CFAP299: variants seen among roughly 807,000 people sequenced by gnomAD.
CFAP299 encodes cilia- and flagella-associated protein 299.
A neutral mutation model predicts 27.0 loss-of-function variants in CFAP299; 21 were observed. The observed-to-expected ratio is 0.78, with a 90% CI of 0.55 to 1.12. The LOEUF (loss-of-function observed/expected upper bound fraction) is 1.12. CFAP299 is among the 50% of genes most tolerant of loss of function. The probability of loss-of-function intolerance (pLI) is 0.00; values close to 1 mark genes in which losing one functional copy is unlikely to be tolerated. For synonymous variants in CFAP299, 104 were observed against 98.1 expected (o/e 1.06, Z -0.36); for missense variants, 310 against 276.6 (o/e 1.12, Z -0.86).
At chr4:80,414,041 A>T (rs1223785345) in intron 2 of CFAP299, among the ~76,000 whole-genome samples, 1 of 150,286 alleles carries the variant, frequency 6.7e-6, no homozygotes, top group Admixed American at 6.6e-5. Context: ...TCTGAAAGGC[A>T]TGCAAGAAAC....
At chr4:80,545,506 T>C (rs890872329) in intron 2 of CFAP299, among the ~76,000 whole-genome samples, 2 of 151,720 alleles carry the variant, frequency 1.3e-5, no homozygotes, top group African/African-American at 2.4e-5. Context: ...CTAGAAGAAA[T>C]TGAAGTCCTG....
At chr4:80,740,121 A>G (rs1724169621) in intron 3 of CFAP299, among the ~76,000 whole-genome samples, 1 of 152,116 alleles carries the variant, frequency 6.6e-6, no homozygotes, top group Non-Finnish European at 1.5e-5. Context: ...TCTGTCTGAA[A>G]GGTCATATAA....
At chr4:80,653,908 T>G (rs1740430012) in intron 3 of CFAP299, among the ~76,000 whole-genome samples, 1 of 152,150 alleles carries the variant, frequency 6.6e-6, no homozygotes, top group African/African-American at 2.4e-5. Context: ...TTTACTGCCA[T>G]CAAGTTTGTG....
intron 3 of CFAP299, among the ~76,000 whole-genome samples, chr4:80,841,253 G>C (rs990544321): frequency 1.3e-5 from 2 of 152,110 alleles, no homozygotes; most frequent in Non-Finnish European, 2.9e-5. Context: ...TGAAGACCTA[G>C]CTATTCATTT....
rs114374881 is a variant in CFAP299, at chr4:80,869,481, G to A, written c.334-512G>A. Among the ~76,000 whole-genome samples, 332 of 152,150 alleles carry A rather than the reference G, an allele frequency of 2.2e-3. 2 individuals carry two copies. Among genetic ancestry groups the A allele is most frequent in the African/African-American group, 7.5e-3 (310 of 41,500 alleles). On this transcript the variant is annotated intron_variant, in intron 3 of 5. Transcript: ENST00000358105. Reference sequence around the variant, plus strand: ...TAATTGTATCTCTGTTGTTCTTTTCGTTTTTCAACTGGAATATTGCAATAT... The same window carrying A: ...TAATTGTATCTCTGTTGTTCTTTTCATTTTTCAACTGGAATATTGCAATAT...
rs1732187483 is a variant in CFAP299 at position 80,859,702 on chromosome 4, G to C, written c.334-10291G>C. 2.0e-5 allele frequency among the ~76,000 whole-genome samples: 3 copies of C among 152,114 alleles called. No individual in the cohort carries two copies. The South Asian group carries it at 6.2e-4, about 31-fold the overall frequency. ...TTGGCTGGATATGAAATTCTCGGTTGAAAATTCTTTTCTTTAAGAATGTTG... is the reference window on the plus strand; with the variant it reads ...TTGGCTGGATATGAAATTCTCGGTTCAAAATTCTTTTCTTTAAGAATGTTG... On this transcript the variant is annotated intron_variant, in intron 3 of 5. Coordinates refer to ENST00000358105, the MANE Select transcript of CFAP299 (RefSeq NM_152770.3).
rs559523956 is a variant in CFAP299, at chr4:80,480,745, A to G, written c.243-102348A>G. Reference sequence around the variant, plus strand: ...ACATTTCTATCAGAATAAATTTTCAATGTTAGTATGTGTTGAAAAATTCCT... The same window carrying G: ...ACATTTCTATCAGAATAAATTTTCAGTGTTAGTATGTGTTGAAAAATTCCT... On this transcript the variant is annotated intron_variant, in intron 2 of 5. Transcript: ENST00000358105. Among the ~76,000 whole-genome samples the G allele has an allele frequency of 3.3e-5, 5 of 152,158 alleles. No homozygotes were observed. The South Asian group carries it at 8.3e-4, about 25-fold the overall frequency.
intron 2 of CFAP299, among the ~76,000 whole-genome samples, chr4:80,447,728 C>T (rs1188475263): frequency 8.5e-5 from 13 of 152,286 alleles, no homozygotes; most frequent in African/African-American, 2.6e-4. Flanking sequence ...GCTAAGATTA[C>T]GGGTGTGAGC....
chr4:80,662,899 G>A (rs1007814535), intron 3 of CFAP299, among the ~76,000 whole-genome samples: 2 of 152,006 alleles, frequency 1.3e-5, no homozygotes, highest in Non-Finnish European at 2.9e-5. Flanking sequence ...CAAGTCCCAA[G>A]TGCTGCAAAA....
At chr4:80,366,482 C>T (rs533853911) in intron 2 of CFAP299, among the ~76,000 whole-genome samples, 2 of 152,286 alleles carry the variant, frequency 1.3e-5, no homozygotes, top group South Asian at 2.1e-4. Context: ...TTTTGGGCTT[C>T]TATTCAGTCT....
In CFAP299 at chr4:80,810,913, C is replaced by A. The variant is rs890361344; in HGVS notation, c.334-59080C>A. Among the ~76,000 whole-genome samples, 4 of 152,246 alleles carry A rather than the reference C, an allele frequency of 2.6e-5. No individual in the cohort carries two copies. In the East Asian group the frequency reaches 7.7e-4, roughly 29 times the overall value. On this transcript the variant is annotated intron_variant, in intron 3 of 5. Transcript: ENST00000358105. ...AACATCCCCTGTTCTGAACCTTCAG[C>A]AAAACATGCCAGCTGCCCCACTCAT...
At chr4:80,688,093 G>C (rs1396796385) in intron 3 of CFAP299, among the ~76,000 whole-genome samples, 5 of 152,218 alleles carry the variant, frequency 3.3e-5, no homozygotes, top group African/African-American at 7.2e-5. Context: ...CAAACTGCAA[G>C]ACGGCAGCGA....
chr4:80,724,991 A>G lies in CFAP299; in HGVS notation c.333+141808A>G, dbSNP rs190914495. On this transcript the variant is annotated intron_variant, in intron 3 of 5. Coordinates refer to ENST00000358105, the MANE Select transcript of CFAP299 (RefSeq NM_152770.3). ...GAGACAGAGTCTTGCTGTGTTGCCC[A>G]TGCTGGAGAGTGGCATGATCTCAGC... is the stretch of plus-strand genomic sequence containing the variant. 1.5e-3 allele frequency among the ~76,000 whole-genome samples: 215 copies of G among 142,652 alleles called. 1 individual carries two copies. In the Middle Eastern group the frequency reaches 0.016, roughly 10 times the overall value. The allele number at this position is 142,652 out of a possible 152,430, so 93.6% of individuals were successfully genotyped here. A position where few individuals can be genotyped will look rare whatever the true frequency, so the allele number is the denominator to read the frequency against.
chr4:80,634,991 A>G (rs1739409397), intron 3 of CFAP299, among the ~76,000 whole-genome samples: 1 of 152,184 alleles, frequency 6.6e-6, no homozygotes, highest in Non-Finnish European at 1.5e-5. Context: ...TGAGATCATT[A>G]TAAATCATCT....
At chr4:80,750,826 G>C (rs1724890053) in intron 3 of CFAP299, among the ~76,000 whole-genome samples, 1 of 152,128 alleles carries the variant, frequency 6.6e-6, no homozygotes, top group South Asian at 2.1e-4. Flanking sequence ...AGAGTTTCAG[G>C]AGTTGTGAAC....
chr4:80,733,940 A>C, intron 3 of CFAP299, among the ~76,000 whole-genome samples: 1 of 152,128 alleles, frequency 6.6e-6, no homozygotes, highest in Non-Finnish European at 1.5e-5. Flanking sequence ...CAGTACAGAT[A>C]TCTCTTTGAT....
At chr4:80,957,564 A>C (rs1738132362) in intron 5 of CFAP299, among the ~76,000 whole-genome samples, 3 of 152,198 alleles carry the variant, frequency 2.0e-5, no homozygotes, top group Non-Finnish European at 4.4e-5. Flanking sequence ...GAATAAACAG[A>C]TTTTAAAATA....
At chr4:80,528,700 T>G (rs1032107863) in intron 2 of CFAP299, among the ~76,000 whole-genome samples, 1 of 152,164 alleles carries the variant, frequency 6.6e-6, no homozygotes, top group African/African-American at 2.4e-5. Flanking sequence ...TTTCTGGGTT[T>G]TGGTCTTGAA....
At chr4:80,846,224 A>T (rs1349266964) in intron 3 of CFAP299, among the ~76,000 whole-genome samples, 1 of 152,186 alleles carries the variant, frequency 6.6e-6, no homozygotes, top group Non-Finnish European at 1.5e-5. Context: ...GGGATGGAGG[A>T]ATTGGTCCAC....
Sources: allele counts gnomAD v4.1 joint callset (sites outside exome capture counted in the v4.1 genomes callset), GRCh38; gene constraint gnomAD v4.1.1; transcripts MANE v1.5; gene names NCBI Gene and HGNC (gene_info 2026-07-23, HGNC 2026-07-21).